PIP4K2A: variants seen among roughly 807,000 people sequenced by gnomAD.
The protein encoded by PIP4K2A is phosphatidylinositol 5-phosphate 4-kinase type-2 alpha.
PIP4K2A carries 14 observed loss-of-function variants against 42.9 expected under a neutral mutation model. The ratio of observed to expected loss-of-function variants is 0.33; its 90% CI spans 0.22 to 0.51. The LOEUF (loss-of-function observed/expected upper bound fraction) is 0.51, where lower values mean the gene tolerates loss of function less well. Ranked by LOEUF, PIP4K2A falls within the 20% of genes least tolerant of loss-of-function variation. PIP4K2A has a pLI of 0.97. For missense variants in PIP4K2A, 434 were observed against 519.8 expected, an observed-to-expected ratio of 0.83 and a Z score of 1.61; for synonymous variants, 192 against 192.2, an observed-to-expected ratio of 1.00 and a Z score of 0.01.
At chr10:22,642,610 GTCTC>G (rs1838803575) in intron 1 of PIP4K2A, among the ~76,000 whole-genome samples, 1 of 30,052 alleles carries the variant, frequency 3.3e-5, no homozygotes, top group Non-Finnish European at 7.0e-5. Flanking sequence ...CAGTGTGTGT[GTCTC>G]TATATACACA....
intron 5 of PIP4K2A, among the ~76,000 whole-genome samples, chr10:22,573,011 A>G (rs1256868188): frequency 6.6e-6 from 1 of 152,158 alleles, no homozygotes; most frequent in Non-Finnish European, 1.5e-5. Flanking sequence ...TACCCACCAG[A>G]ATGTCAGCTC....
chr10:22,607,350 C>T (rs57364753), intron 3 of PIP4K2A, among the ~76,000 whole-genome samples: 10,109 of 152,102 alleles, frequency 0.066, 891 homozygotes, highest in African/African-American at 0.2. Flanking sequence ...TGGTGGGAAT[C>T]AAGATGAAGA....
intron 1 of PIP4K2A, among the ~76,000 whole-genome samples, chr10:22,660,842 C>T (rs1346160637): frequency 6.6e-6 from 1 of 151,198 alleles, no homozygotes; most frequent in African/African-American, 2.4e-5. Context: ...TTATATGAAA[C>T]TACAATGGTG....
chr10:22,609,831 A>ACCCACCAACCCACCCTCCTTCCCT, intron 1 of PIP4K2A, 114 bp from the exon 2 acceptor site: 1 of 607,942 alleles, frequency 1.6e-6, no homozygotes, highest in Non-Finnish European at 2.9e-6. Context: ...TTCTCTTCCC[A>ACCCACCAACCCACCCTCCTTCCCT]CCCACCAACC....
chr10:22,569,664 T>C (rs902312025), intron 5 of PIP4K2A, among the ~76,000 whole-genome samples: 2 of 152,120 alleles, frequency 1.3e-5, no homozygotes, highest in Non-Finnish European at 2.9e-5. Context: ...TCTGTGTGTG[T>C]GTGTGTCTGT....
At chr10:22,588,443 G>T (rs1288948260) in intron 4 of PIP4K2A, among the ~76,000 whole-genome samples, 2 of 152,114 alleles carry the variant, frequency 1.3e-5, no homozygotes, top group African/African-American at 4.8e-5. Context: ...TTTCTCCTTG[G>T]CAACAGACTC....
At chr10:22,600,917 G>A (rs1444085441) in intron 3 of PIP4K2A, among the ~76,000 whole-genome samples, 3 of 151,740 alleles carry the variant, frequency 2.0e-5, no homozygotes, top group Non-Finnish European at 4.4e-5. Context: ...TTATAGAGGG[G>A]AGCAAGACAC....
intron 4 of PIP4K2A, among the ~76,000 whole-genome samples, chr10:22,585,164 T>G (rs1313086693): frequency 3.3e-5 from 5 of 152,228 alleles, no homozygotes; most frequent in African/African-American, 1.2e-4. Context: ...TTCTCAGTTT[T>G]GCTCTACCGA....
intron 1 of PIP4K2A, among the ~76,000 whole-genome samples, chr10:22,707,325 G>A (rs937662517): frequency 2.0e-5 from 3 of 152,170 alleles, no homozygotes; most frequent in African/African-American, 7.2e-5. Context: ...AAGGACTCCA[G>A]AGCTCTTAAT....
intron 1 of PIP4K2A, among the ~76,000 whole-genome samples, chr10:22,620,478 C>T (rs574381904): frequency 1.3e-5 from 2 of 152,224 alleles, no homozygotes; most frequent in South Asian, 2.1e-4. Flanking sequence ...CAAAGTGCCC[C>T]AGCACTCTTG....
At chr10:22,567,759 A>T (rs573629803) in intron 6 of PIP4K2A, 92 bp downstream of exon 6, 1 of 1,060,470 alleles carries the variant, frequency 9.4e-7, no homozygotes, top group Non-Finnish European at 1.5e-6. Context: ...CCACAATAGC[A>T]GGGGTGGGAG....
chr10:22,661,626 G>C (rs1263651373), intron 1 of PIP4K2A: 1 of 152,070 alleles, frequency 6.6e-6, no homozygotes, highest in Admixed American at 6.6e-5. Flanking sequence ...GCCTCCTAAC[G>C]TGCTGGGATT....
intron 1 of PIP4K2A, among the ~76,000 whole-genome samples, chr10:22,666,428 G>GA (rs1297416534): frequency 4.6e-5 from 7 of 152,156 alleles, no homozygotes; most frequent in Non-Finnish European, 8.8e-5. Context: ...ATCTACCAAA[G>GA]AAAAGGAACA....
At chr10:22,568,391 A>T (rs952998620) in intron 5 of PIP4K2A, among the ~76,000 whole-genome samples, 15 of 103,396 alleles carry the variant, frequency 1.5e-4, no homozygotes, top group African/African-American at 5.9e-4. Context: ...TGCAATGCTC[A>T]TTGTTTTCTC....
At chr10:22,679,474 T>C (rs1839621304) in intron 1 of PIP4K2A, among the ~76,000 whole-genome samples, 1 of 152,174 alleles carries the variant, frequency 6.6e-6, no homozygotes, top group Admixed American at 6.5e-5. Context: ...AGTAAGAATG[T>C]AAAATTATAC....
intron 1 of PIP4K2A, among the ~76,000 whole-genome samples, chr10:22,643,652 C>T (rs1440113742): frequency 2.0e-5 from 3 of 152,160 alleles, no homozygotes; most frequent in Admixed American, 1.3e-4. Flanking sequence ...ATTAACCTAA[C>T]GCTGAACCTT....
chr10:22,643,681 A>T (rs1838825700), intron 1 of PIP4K2A, among the ~76,000 whole-genome samples: 1 of 152,116 alleles, frequency 6.6e-6, no homozygotes, highest in South Asian at 2.1e-4. Flanking sequence ...CATGCCAGCC[A>T]AATTCTGATT....
chr10:22,585,972 A>G (rs1206809775), intron 4 of PIP4K2A, among the ~76,000 whole-genome samples: 1 of 152,214 alleles, frequency 6.6e-6, no homozygotes, highest in African/African-American at 2.4e-5. Context: ...GTGCGGGGAA[A>G]AAAAAAATTC....
At chr10:22,676,268 C>T (rs1839556609) in intron 1 of PIP4K2A, among the ~76,000 whole-genome samples, 1 of 152,114 alleles carries the variant, frequency 6.6e-6, no homozygotes. Context: ...GTTAAGACTT[C>T]ATGTAAAGTC....
Sources: gnomAD v4.1 joint callset for allele counts (sites outside exome capture counted in the v4.1 genomes callset) on GRCh38, gnomAD v4.1.1 for gene constraint, MANE v1.5 for transcripts, NCBI Gene and HGNC (gene_info 2026-07-23, HGNC 2026-07-21) for gene names.